ITPR3: variants seen among roughly 807,000 people sequenced by gnomAD.
ITPR3 encodes inositol 1,4,5-trisphosphate-gated calcium channel ITPR3.
In ITPR3, 173 loss-of-function variants were observed where a neutral mutation model predicts 293.2. The ratio of observed to expected loss-of-function variants is 0.59; its 90% CI spans 0.52 to 0.67. ITPR3 has a LOEUF of 0.67. Ranked by LOEUF, ITPR3 falls within the 30% of genes least tolerant of loss-of-function variation. ITPR3 has a pLI of 0.00. For synonymous variants in ITPR3, 1,295 were observed against 1,444.4 expected, an observed-to-expected ratio of 0.90 and a Z score of 2.35; for missense variants, 2,796 against 3,592.1, an observed-to-expected ratio of 0.78 and a Z score of 5.66.
chr6:33,687,415 G>T lies in ITPR3; in HGVS notation c.6178-63G>T. The T allele has an allele frequency of 6.6e-7, 1 of 1,519,638 alleles. No individual in the cohort carries two copies. Among genetic ancestry groups the T allele is most frequent in the South Asian group, 1.2e-5 (1 of 85,080 alleles). 94.1% of individuals were successfully genotyped at this position (1,519,638 alleles called of 1,614,324 possible). A position where few individuals can be genotyped will look rare whatever the true frequency, so the allele number is the denominator to read the frequency against. On this transcript the variant is annotated intron_variant, in intron 45 of 57. Transcript: ENST00000605930. This position sits in a 1 kb window ranked among gnomAD's most constrained non-coding sequence, Gnocchi z 5.3. ...CCATCATCCCCCAGTCGCCATTGTC[G>T]CCCCCCAGCCACCATGTCCCCCAGC...
Position 33,621,375 on chromosome 6 carries a change from G to T in ITPR3, c.-228G>T. The T allele has an allele frequency of 7.8e-6, 2 of 257,922 alleles. No individual in the cohort carries two copies. The highest frequency in any genetic ancestry group is 1.5e-4 in the South Asian group (1 of 6,588). The allele number at this position is 257,922 out of a possible 1,614,324, so 16.0% of individuals were successfully genotyped here. A position where few individuals can be genotyped will look rare whatever the true frequency, so the allele number is the denominator to read the frequency against. On this transcript the variant is annotated 5_prime_UTR_variant, in exon 1 of 58. Coordinates refer to ENST00000605930, the MANE Select transcript of ITPR3 (RefSeq NM_002224.4). This position sits in a 1 kb window ranked among gnomAD's most constrained non-coding sequence, Gnocchi z 7.7. ...TACGCGCGGGCCGGGCGGGGCGGGC[G>T]GGCGGCGGGCGCGCCAAGACGTGGG...
At position 33,685,439 on chromosome 6, in the gene ITPR3, C is replaced by A. The variant is rs368162410; in HGVS notation, c.5388C>A (p.Ala1796=). ...FKVLHDRMKR[A]QQETKSTVAV... ...TGCTGCACGACCGCATGAAGCGGGC[C>A]CAGCAGGAGACCAAGTCCACGGTGG... The change falls in exon 40 of 58, where the codon GCC becomes GCA. Residue 1796 remains alanine (A), a synonymous_variant. Transcript: ENST00000605930. 3.0e-5 allele frequency: 49 copies of A among 1,613,908 alleles called. No homozygotes were observed. The highest frequency in any genetic ancestry group is 3.8e-5 in the Non-Finnish European group (45 of 1,180,002).
At position 33,683,149 on chromosome 6, in the gene ITPR3, C is replaced by T; in HGVS notation, c.4598-58C>T. The T allele has an allele frequency of 7.5e-7, 1 of 1,340,166 alleles. No individual in the cohort carries two copies. The highest frequency in any genetic ancestry group is 2.7e-5 in the East Asian group (1 of 36,410). The allele number at this position is 1,340,166 out of a possible 1,614,324, so 83.0% of individuals were successfully genotyped here. The stretch of plus-strand genomic sequence containing the variant: ...GGTGTGGCAGCCCTGAGCCTGGCCT[C>T]TGGCTGGCTGAACTGCCCCCGCACC... On this transcript the variant is annotated intron_variant, in intron 34 of 57. Transcript: ENST00000605930. The surrounding 1 kb of genome is among the most constrained non-coding windows in gnomAD (Gnocchi z 4.5).
intron 1 of ITPR3, among the ~76,000 whole-genome samples, chr6:33,636,740 G>A (rs1018012725): frequency 1.3e-5 from 2 of 152,018 alleles, no homozygotes; most frequent in South Asian, 4.2e-4. Context: ...AGATCTCCGA[G>A]GCTGGAGTTC....
rs200642947 is a variant in ITPR3 at position 33,678,468 on chromosome 6, G to A, written c.3696G>A (p.Leu1232=). The stretch of plus-strand genomic sequence containing the variant: ...TCCTGCGCTACACGCACCAGTTCCT[G>A]CAGAAGTTCTGTGCAGGGAACCCCG... ...MEILRYTHQF[L]QKFCAGNPGN... The change falls in exon 29 of 58, where the codon CTG becomes CTA. Residue 1232 remains leucine (L), a synonymous_variant. Coordinates refer to ENST00000605930, the MANE Select transcript of ITPR3 (RefSeq NM_002224.4). The A allele has an allele frequency of 1.1e-5, 18 of 1,613,756 alleles. No homozygotes were observed. The Admixed American group carries it at 2.8e-4, about 25-fold the overall frequency.
Position 33,625,827 on chromosome 6 carries a change from A to G in ITPR3, c.89+4136A>G, listed in dbSNP as rs1763537714. Among the ~76,000 whole-genome samples, 4 of 152,146 alleles carry G rather than the reference A, an allele frequency of 2.6e-5. No individual in the cohort carries two copies. The South Asian group carries it at 8.3e-4, about 32-fold the overall frequency. ...GGACCCAAGAAGTATGGGGGTGAAT[A>G]TAGACGAAGCCCCAGGTCTCCAGGC... On this transcript the variant is annotated intron_variant, in intron 1 of 57. Coordinates refer to ENST00000605930, the MANE Select transcript of ITPR3 (RefSeq NM_002224.4).
chr6:33,693,308 A>T (rs1439229895), intron 55 of ITPR3, among the ~76,000 whole-genome samples: 1 of 151,934 alleles, frequency 6.6e-6, no homozygotes, highest in Non-Finnish European at 1.5e-5. Flanking sequence ...TCTCGCGTTT[A>T]CTCCTGGAGT....
In ITPR3 at chr6:33,658,876, G is replaced by T; in HGVS notation, c.528+48G>T. The stretch of plus-strand genomic sequence containing the variant: ...AGGGGCCTGGTGGAACTCCCGAGGG[G>T]CTTCTGTAGGGTCTTCGGTGTGGGG... On this transcript the variant is annotated intron_variant, in intron 5 of 57. Coordinates refer to ENST00000605930, the MANE Select transcript of ITPR3 (RefSeq NM_002224.4). This position sits in a 1 kb window ranked among gnomAD's most constrained non-coding sequence, Gnocchi z 6.1. The T allele has an allele frequency of 6.2e-7, 1 of 1,610,172 alleles. No individual in the cohort carries two copies. The highest frequency in any genetic ancestry group is 8.5e-7 in the Non-Finnish European group (1 of 1,177,464).
chr6:33,694,885 G>A (rs371699413), intron 56 of ITPR3, 39 bp from the exon 57 acceptor site: 144 of 1,613,474 alleles, frequency 8.9e-5, no homozygotes, highest in Middle Eastern at 5.0e-4. Context: ...TTTCTAGGCC[G>A]GGCCCACGCC....
intron 1 of ITPR3, among the ~76,000 whole-genome samples, chr6:33,639,240 G>A (rs1385284740): frequency 1.3e-5 from 2 of 152,024 alleles, no homozygotes; most frequent in Non-Finnish European, 2.9e-5. Context: ...TTAGCCAGGC[G>A]TGGTGGCAGG....
chr6:33,653,235 A>AT (rs1348393127), intron 2 of ITPR3, among the ~76,000 whole-genome samples: 1 of 141,262 alleles, frequency 7.1e-6, no homozygotes, highest in South Asian at 2.3e-4. Context: ...AATTATTTTT[A>AT]TTTTTTCCCA....
chr6:33,629,833 C>T (rs1379384709), intron 1 of ITPR3, among the ~76,000 whole-genome samples: 1 of 151,830 alleles, frequency 6.6e-6, no homozygotes, highest in Non-Finnish European at 1.5e-5. Context: ...TGGCTCATGC[C>T]TGTAATCCCA....
chr6:33,693,076 G>A (rs1222560475), intron 55 of ITPR3, among the ~76,000 whole-genome samples, 183 bp downstream of exon 55: 1 of 152,172 alleles, frequency 6.6e-6, no homozygotes, highest in Non-Finnish European at 1.5e-5. Context: ...GAGTCAGAAA[G>A]GAGTGGGACA....
chr6:33,654,250 A>G lies in ITPR3; in HGVS notation c.161-1516A>G, dbSNP rs1457228191. Among the ~76,000 whole-genome samples the G allele has an allele frequency of 6.6e-6, 1 of 152,190 alleles. No homozygotes were observed. Among genetic ancestry groups the G allele is most frequent in the Non-Finnish European group, 1.5e-5 (1 of 68,028 alleles). On this transcript the variant is annotated intron_variant, in intron 2 of 57. Transcript: ENST00000605930. The surrounding 1 kb of genome is among the most constrained non-coding windows in gnomAD (Gnocchi z 4.1). ...ATCACTGCACTCCAGCCTGAGCTAC[A>G]GAGTGAGACCGTGTCTCAAAAAAAA...
intron 11 of ITPR3, 51 bp downstream of exon 11, chr6:33,663,931 C>A: frequency 6.2e-7 from 1 of 1,603,578 alleles, no homozygotes. Flanking sequence ...TCAGGGTGGG[C>A]CCTCCTGTCT....
At chr6:33,661,992 G>GAAAAAAAAAAAAAAAAAAAAA (rs55958712) in intron 7 of ITPR3, among the ~76,000 whole-genome samples, 1 of 47,192 alleles carries the variant, frequency 2.1e-5, no homozygotes, top group African/African-American at 6.6e-5. Context: ...GACTGTCTCT[G>GAAAAAAAAAAAAAAAAAAAAA]AAAAAAAAAA....
In ITPR3 at chr6:33,666,702, T is replaced by G. The variant is rs1764618136; in HGVS notation, c.1552-427T>G. Among the ~76,000 whole-genome samples, 1 of 151,998 alleles carries G rather than the reference T, an allele frequency of 6.6e-6. No homozygotes were observed. Among genetic ancestry groups the G allele is most frequent in the Non-Finnish European group, 1.5e-5 (1 of 67,980 alleles). On this transcript the variant is annotated intron_variant, in intron 14 of 57. Coordinates refer to ENST00000605930, the MANE Select transcript of ITPR3 (RefSeq NM_002224.4). This position sits in a 1 kb window ranked among gnomAD's most constrained non-coding sequence, Gnocchi z 5.1. ...CTCTGTTTCAGAACAATTTTTCACC[T>G]CTCCACCCAGCCCCAGCCTTTAAAA...
chr6:33,695,799 CCAA>C lies in ITPR3; in HGVS notation c.*22_*24del, dbSNP rs760989580. 5.0e-6 allele frequency: 8 copies of C among 1,612,910 alleles called. No homozygotes were observed. The Admixed American group carries it at 8.3e-5, about 17-fold the overall frequency. Reference sequence around the variant, plus strand: ...CCGCTGAGGAGAGCCACCGAAGGCCCCAACAGGGGATGCTCATCACTGGAGACT... The same window carrying C: ...CCGCTGAGGAGAGCCACCGAAGGCCCCAGGGGATGCTCATCACTGGAGACT... On this transcript the variant is annotated 3_prime_UTR_variant, in exon 58 of 58. Coordinates refer to ENST00000605930, the MANE Select transcript of ITPR3 (RefSeq NM_002224.4).
At position 33,682,992 on chromosome 6, in the gene ITPR3, C is replaced by T. The variant is rs1485273291; in HGVS notation, c.4598-215C>T. Among the ~76,000 whole-genome samples the T allele has an allele frequency of 2.0e-5, 3 of 150,844 alleles. No homozygotes were observed. Among genetic ancestry groups the T allele is most frequent in the Admixed American group, 6.6e-5 (1 of 15,116 alleles). Reference sequence around the variant, plus strand: ...GAGGAAGGGGAAGTCAGGGTAGAGCCGGGGGGAATCAAAGAGGCAGAAACT... The same window carrying T: ...GAGGAAGGGGAAGTCAGGGTAGAGCTGGGGGGAATCAAAGAGGCAGAAACT... On this transcript the variant is annotated intron_variant, in intron 34 of 57. Coordinates refer to ENST00000605930, the MANE Select transcript of ITPR3 (RefSeq NM_002224.4). The surrounding 1 kb of genome is among the most constrained non-coding windows in gnomAD (Gnocchi z 5.4).
Sources: gnomAD v4.1 joint callset for allele counts (sites outside exome capture counted in the v4.1 genomes callset) on GRCh38, gnomAD v4.1.1 for gene constraint, Gnocchi (gnomAD v3.1) non-coding constraint, MANE v1.5 for transcripts, NCBI Gene and HGNC (gene_info 2026-07-23, HGNC 2026-07-21) for gene names.